The following FREM1 variants were observed in gnomAD, a reference collection of about 807,000 sequenced individuals.
FREM1 encodes the protein FRAS1-related extracellular matrix protein 1.
Under a neutral mutation model 210.1 loss-of-function variants are expected in FREM1, and 220 were observed. The observed-to-expected ratio is 1.05, with a 90% CI of 0.94 to 1.17. The LOEUF (loss-of-function observed/expected upper bound fraction) is 1.17. FREM1 is among the 50% of genes most tolerant of loss of function. FREM1 has a pLI of 0.00. For missense variants in FREM1, 3,454 were observed against 2,675.5 expected (o/e 1.29, Z -6.42); for synonymous variants, 1,189 against 980.2 (o/e 1.21, Z -3.98).
chr9:14,738,320 C>CCAAAT (rs1182586113), intron 36 of FREM1, among the ~76,000 whole-genome samples: 2 of 152,126 alleles, frequency 1.3e-5, no homozygotes, highest in Non-Finnish European at 2.9e-5. Context: ...CCGACATTCC[C>CCAAAT]CAAATCAAAT....
At chr9:14,780,903 G>A (rs748943451) in intron 24 of FREM1, among the ~76,000 whole-genome samples, 2 of 152,222 alleles carry the variant, frequency 1.3e-5, no homozygotes, top group Non-Finnish European at 2.9e-5. Flanking sequence ...ATAGCAGTCC[G>A]TGATTGGGTT....
chr9:14,823,033 C>T (rs1821667435), intron 13 of FREM1, 127 bp downstream of exon 13: 2 of 604,340 alleles, frequency 3.3e-6, no homozygotes, highest in Admixed American at 3.5e-5. Context: ...TTTACTACAC[C>T]ATAGATGGAA....
chr9:14,842,386 G>A lies in FREM1; in HGVS notation c.1668C>T (p.Tyr556=), dbSNP rs1392823978. Residue 556 remains tyrosine, a synonymous_variant, in exon 9 of 37, where the codon TAC becomes TAT. Coordinates refer to ENST00000380880, the MANE Select transcript of FREM1 (RefSeq NM_001379081.2). ...RASDVDASDD[Y]IFFNITKPPQ... ...GAGGCTTTGTGATATTGAAGAAGAT[G>A]TAGTCATCACTGGCGTCCACATCTG... 2.5e-6 allele frequency: 4 copies of A among 1,613,054 alleles called. No individual in the cohort carries two copies.
At chr9:14,811,837 G>A (rs546634420) in intron 16 of FREM1, among the ~76,000 whole-genome samples, 1 of 151,966 alleles carries the variant, frequency 6.6e-6, no homozygotes, top group Admixed American at 6.6e-5. Flanking sequence ...AATTCTGAAA[G>A]TTCTTATTTC....
intron 3 of FREM1, among the ~76,000 whole-genome samples, chr9:14,861,268 C>T (rs192460223): frequency 0.23 from 19,845 of 86,032 alleles, 3,828 homozygotes; most frequent in African/African-American, 0.41. Context: ...TACACATATA[C>T]ACATATATAC....
chr9:14,862,007 G>A (rs1173787225), intron 3 of FREM1, among the ~76,000 whole-genome samples: 2 of 152,130 alleles, frequency 1.3e-5, no homozygotes, highest in Non-Finnish European at 2.9e-5. Context: ...CTCCGCGCAA[G>A]TTCTTTGAAG....
intron 5 of FREM1, among the ~76,000 whole-genome samples, chr9:14,852,439 G>C (rs982077637): frequency 6.6e-6 from 1 of 152,182 alleles, no homozygotes; most frequent in African/African-American, 2.4e-5. Context: ...TGCAATCCCA[G>C]CACTCTGGGA....
In FREM1 at chr9:14,859,361, G is replaced by A. The variant is rs1829379683; in HGVS notation, c.453C>T (p.Ser151=). ...VLEVPEFNGL[S]QAIDKNLLRF... The stretch of plus-strand genomic sequence containing the variant: ...TGAGCAGATTTTTATCAATCGCTTG[G>A]GACAAGCCATTGAATTCAGGCACCT... Residue 151 remains serine (S), a synonymous_variant, in exon 4 of 37, where the codon TCC becomes TCT. Coordinates refer to ENST00000380880, the MANE Select transcript of FREM1 (RefSeq NM_001379081.2). The A allele has an allele frequency of 6.2e-7, 1 of 1,613,820 alleles. No homozygotes were observed.
At chr9:14,862,859 A>G (rs1292792454) in intron 3 of FREM1, among the ~76,000 whole-genome samples, 1 of 152,158 alleles carries the variant, frequency 6.6e-6, no homozygotes, top group Non-Finnish European at 1.5e-5. Flanking sequence ...CCATGAATAT[A>G]CCACATATTG....
intron 5 of FREM1, among the ~76,000 whole-genome samples, chr9:14,854,044 G>A (rs937061955): frequency 6.6e-6 from 1 of 152,178 alleles, no homozygotes; most frequent in Non-Finnish European, 1.5e-5. Flanking sequence ...GCAATTGCCA[G>A]GAGAAAGGAT....
At chr9:14,894,292 T>C (rs1413565402) in intron 1 of FREM1, among the ~76,000 whole-genome samples, 1 of 152,262 alleles carries the variant, frequency 6.6e-6, no homozygotes, top group Non-Finnish European at 1.5e-5. Context: ...AATTGTTATG[T>C]AAAATTGTTG....
At chr9:14,817,706 A>G (rs895547230) in intron 14 of FREM1, among the ~76,000 whole-genome samples, 1 of 152,202 alleles carries the variant, frequency 6.6e-6, no homozygotes, top group African/African-American at 2.4e-5. Flanking sequence ...ATGGGGAAAA[A>G]GTCAGAGCTG....
intron 25 of FREM1, among the ~76,000 whole-genome samples, chr9:14,771,958 G>A (rs1017176713): frequency 6.6e-6 from 1 of 151,894 alleles, no homozygotes; most frequent in Non-Finnish European, 1.5e-5. Context: ...CATAATGTTT[G>A]TATAGACATA....
intron 27 of FREM1, among the ~76,000 whole-genome samples, chr9:14,760,854 G>C (rs1390505284): frequency 6.6e-6 from 1 of 151,978 alleles, no homozygotes; most frequent in Non-Finnish European, 1.5e-5. Context: ...TTGAGGTCTT[G>C]CCTTTTTTTT....
At chr9:14,905,774 C>A (rs1053145060) in intron 1 of FREM1, among the ~76,000 whole-genome samples, 1 of 152,122 alleles carries the variant, frequency 6.6e-6, no homozygotes. Context: ...GCCTGTAGTC[C>A]CAGCTACTCG....
chr9:14,793,454 G>A (rs1287456620), intron 21 of FREM1, among the ~76,000 whole-genome samples: 1 of 152,212 alleles, frequency 6.6e-6, no homozygotes, highest in Non-Finnish European at 1.5e-5. Context: ...CAGTGTTACA[G>A]ATGCCAGGTC....
chr9:14,746,813 G>T, intron 34 of FREM1, 110 bp downstream of exon 34: 1 of 1,305,448 alleles, frequency 7.7e-7, no homozygotes. Context: ...GTTAACAATG[G>T]CAGGAAGATG....
intron 21 of FREM1, among the ~76,000 whole-genome samples, chr9:14,796,879 G>T (rs1348029664): frequency 6.6e-6 from 1 of 152,168 alleles, no homozygotes; most frequent in Non-Finnish European, 1.5e-5. Flanking sequence ...CCTTATAGCA[G>T]TGTGAGAACA....
chr9:14,859,356 G>A lies in FREM1; in HGVS notation c.458C>T (p.Ala153Val), dbSNP rs748803663. ...GAATCTGAGCAGATTTTTATCAATC[G>A]CTTGGGACAAGCCATTGAATTCAGG... ...EVPEFNGLSQ[A>V]IDKNLLRFDY... The change falls in exon 4 of 37, where the codon GCG (alanine) becomes GTG (valine). Residue 153 changes from alanine (A) to valine (V), a missense_variant. Ala to Val is a moderately conservative substitution (Grantham distance 64). Coordinates refer to ENST00000380880, the MANE Select transcript of FREM1 (RefSeq NM_001379081.2). 60 of 1,613,688 alleles carry A rather than the reference G, an allele frequency of 3.7e-5. No homozygotes were observed. The highest frequency in any genetic ancestry group is 4.8e-5 in the Non-Finnish European group (57 of 1,179,860).
Sources: allele counts gnomAD v4.1 joint callset (sites outside exome capture counted in the v4.1 genomes callset), GRCh38; gene constraint gnomAD v4.1.1; transcripts MANE v1.5; gene names NCBI Gene and HGNC (gene_info 2026-07-23, HGNC 2026-07-21).